Variants in IMMT observed in about 807,000 individuals in gnomAD.
The protein encoded by IMMT is inner membrane mitochondrial protein.
Under a neutral mutation model 92.7 loss-of-function variants are expected in IMMT, and 40 were observed. The observed-to-expected ratio is 0.43, with a 90% CI of 0.34 to 0.56. The LOEUF is 0.56. Ranked by LOEUF, IMMT falls within the 20% of genes least tolerant of loss-of-function variation. The pLI, the probability that IMMT is intolerant of heterozygous loss-of-function variation, is 0.03. For missense variants in IMMT, 831 were observed against 912.1 expected (o/e 0.91, Z 1.14); for synonymous variants, 322 against 336.1 (o/e 0.96, Z 0.46).
At chr2:86,186,992 G>T (rs955518574) in intron 1 of IMMT, among the ~76,000 whole-genome samples, 2 of 151,778 alleles carry the variant, frequency 1.3e-5, no homozygotes, top group Non-Finnish European at 2.9e-5. Flanking sequence ...CTATACTTCC[G>T]GCCATCTGCA....
chr2:86,146,245 T>C (rs1675001055), intron 13 of IMMT, 48 bp from the exon 14 acceptor site: 1 of 1,553,754 alleles, frequency 6.4e-7, no homozygotes, highest in African/African-American at 1.4e-5. Context: ...ACTCAATGCA[T>C]GTCATGTAAC....
At chr2:86,159,943 T>C in intron 8 of IMMT, 1 of 231,698 alleles carries the variant, frequency 4.3e-6, no homozygotes. Context: ...ATTGCTTTTT[T>C]TTTTCTTTTT....
intron 1 of IMMT, among the ~76,000 whole-genome samples, chr2:86,188,946 G>A (rs1469726042): frequency 6.6e-6 from 1 of 152,104 alleles, no homozygotes. Flanking sequence ...CTTGTTGCTT[G>A]TGCTTTTGGT....
intron 1 of IMMT, among the ~76,000 whole-genome samples, chr2:86,183,264 A>G (rs758264945): frequency 8.5e-5 from 13 of 152,168 alleles, no homozygotes; most frequent in Admixed American, 2.0e-4. Flanking sequence ...ATTTAATACT[A>G]GAGTTTCAGA....
chr2:86,147,936 C>T (rs1675150643), intron 12 of IMMT, 103 bp from the exon 13 acceptor site: 4 of 1,098,032 alleles, frequency 3.6e-6, no homozygotes, highest in Non-Finnish European at 4.0e-6. Context: ...GCTTCCATAT[C>T]CTGAACGCCT....
rs772186185 is a variant in IMMT at position 86,152,440 on chromosome 2, C to CAAAAAAAAAAAAAA, written c.1178-934_1178-921dup. Reference sequence around the variant, plus strand: ...TGGGCAACAGAGCAAGACTCCATCTCAAAAAAAAAAAAAAAAAAGAGAGAA... The same window carrying CAAAAAAAAAAAAAA: ...TGGGCAACAGAGCAAGACTCCATCTCAAAAAAAAAAAAAAAAAAAAAAAAAAAAAAAAGAGAGAA... On this transcript the variant is annotated intron_variant, in intron 11 of 14. Coordinates refer to ENST00000410111, the MANE Select transcript of IMMT (RefSeq NM_006839.3). Among the ~76,000 whole-genome samples, 145 of 76,830 alleles carry CAAAAAAAAAAAAAA rather than the reference C, an allele frequency of 1.9e-3. 3 individuals carry two copies. The highest frequency in any genetic ancestry group is 7.6e-3 in the African/African-American group (141 of 18,506). 50.4% of individuals were successfully genotyped at this position (76,830 alleles called of 152,430 possible).
intron 7 of IMMT, among the ~76,000 whole-genome samples, chr2:86,162,791 C>T (rs1046043799): frequency 1.3e-5 from 2 of 152,078 alleles, no homozygotes; most frequent in Admixed American, 6.6e-5. Flanking sequence ...TTGCAGTGAG[C>T]CAAAATTGCG....
At chr2:86,156,058 C>T (rs1480067538) in intron 10 of IMMT, among the ~76,000 whole-genome samples, 1 of 152,118 alleles carries the variant, frequency 6.6e-6, no homozygotes, top group Admixed American at 6.5e-5. Flanking sequence ...CTACATGGCC[C>T]TTTCTTTAGC....
intron 6 of IMMT, among the ~76,000 whole-genome samples, chr2:86,168,814 T>C (rs1170840592): frequency 6.6e-6 from 1 of 151,892 alleles, no homozygotes; most frequent in African/African-American, 2.4e-5. Context: ...TAAAAAGAAA[T>C]TGACAGAAGT....
At chr2:86,157,369 G>A (rs1045746632) in intron 10 of IMMT, among the ~76,000 whole-genome samples, 7 of 152,138 alleles carry the variant, frequency 4.6e-5, no homozygotes, top group African/African-American at 1.7e-4. Flanking sequence ...ATAAATCCCT[G>A]CACTGGTATT....
At chr2:86,156,231 T>A (rs1281350899) in intron 10 of IMMT, among the ~76,000 whole-genome samples, 2 of 152,142 alleles carry the variant, frequency 1.3e-5, no homozygotes, top group Non-Finnish European at 2.9e-5. Context: ...TGTCTCCCGG[T>A]GTTGCCAAAT....
chr2:86,155,879 C>T (rs532484355), intron 10 of IMMT, among the ~76,000 whole-genome samples: 29 of 152,210 alleles, frequency 1.9e-4, no homozygotes, highest in Middle Eastern at 3.4e-3. Context: ...TCAGTAATAC[C>T]GGTTGTCCCT....
intron 12 of IMMT, among the ~76,000 whole-genome samples, chr2:86,148,212 A>G (rs774884985): frequency 6.6e-6 from 1 of 152,268 alleles, no homozygotes; most frequent in Non-Finnish European, 1.5e-5. Flanking sequence ...AATCAAGCGT[A>G]GCTTTACTAC....
intron 10 of IMMT, among the ~76,000 whole-genome samples, chr2:86,156,822 CT>C (rs1161895442): frequency 1.3e-5 from 2 of 152,048 alleles, no homozygotes; most frequent in Non-Finnish European, 2.9e-5. Context: ...CCACTGGAGA[CT>C]CCCTACTACC....
intron 10 of IMMT, 64 bp downstream of exon 10, chr2:86,158,528 A>T: frequency 7.2e-7 from 1 of 1,385,728 alleles, no homozygotes; most frequent in Non-Finnish European, 1.0e-6. Context: ...AGATGAAGCA[A>T]GTTTAGATTC....
chr2:86,186,122 C>CA (rs941766515), intron 1 of IMMT, among the ~76,000 whole-genome samples: 4 of 151,862 alleles, frequency 2.6e-5, no homozygotes, highest in Admixed American at 1.3e-4. Flanking sequence ...TTTAGATCAC[C>CA]AAAAAAAGTG....
chr2:86,171,266 T>C lies in IMMT; in HGVS notation c.501A>G (p.Glu167=). ...SVPAPAVQPE[E]SLKTDHPEIG... is the part of the protein sequence containing the mutation. ...TTTCAGGGTGATCAGTTTTTAAAGA[T>C]TCCTCAGGCTGAACTGCAGGGGCTG... Residue 167 remains glutamate, a synonymous_variant, in exon 5 of 15, where the codon GAA becomes GAG. Coordinates refer to ENST00000410111, the MANE Select transcript of IMMT (RefSeq NM_006839.3). 6.2e-7 allele frequency: 1 copy of C among 1,607,860 alleles called. No individual in the cohort carries two copies. The highest frequency in any genetic ancestry group is 1.1e-5 in the South Asian group (1 of 89,942).
chr2:86,182,419 C>T (rs1214276360), intron 1 of IMMT, among the ~76,000 whole-genome samples: 1 of 152,198 alleles, frequency 6.6e-6, no homozygotes, highest in African/African-American at 2.4e-5. Context: ...TTATAATTTA[C>T]ACTCTACTGG....
intron 3 of IMMT, among the ~76,000 whole-genome samples, chr2:86,174,456 C>T (rs1677300066): frequency 6.6e-6 from 1 of 152,176 alleles, no homozygotes; most frequent in African/African-American, 2.4e-5. Flanking sequence ...TTAGTCACTA[C>T]CAGAAACCAG....
Sources: allele counts gnomAD v4.1 joint callset (sites outside exome capture counted in the v4.1 genomes callset), GRCh38; gene constraint gnomAD v4.1.1; transcripts MANE v1.5; gene names NCBI Gene and HGNC (gene_info 2026-07-23, HGNC 2026-07-21).